PRKN: variants seen among roughly 807,000 people sequenced by gnomAD.
PRKN encodes the protein E3 ubiquitin-protein ligase parkin.
In PRKN, 56 loss-of-function variants were observed where a neutral mutation model predicts 59.5. That is an observed-to-expected ratio of 0.94 (90% CI 0.76 to 1.18). PRKN has a LOEUF of 1.18. Ranked by LOEUF, PRKN falls within the 50% of genes most tolerant of loss-of-function variation. PRKN has a pLI of 0.00. For missense variants in PRKN, 657 were observed against 596.4 expected, an observed-to-expected ratio of 1.10 and a Z score of -1.06; for synonymous variants, 250 against 222.1, an observed-to-expected ratio of 1.13 and a Z score of -1.12.
chr6:162,001,792 T>C (rs892510289), intron 5 of PRKN, among the ~76,000 whole-genome samples: 1 of 151,776 alleles, frequency 6.6e-6, no homozygotes, highest in African/African-American at 2.4e-5. Context: ...AGGTTTTTTG[T>C]AGATATTCCT....
intron 2 of PRKN, among the ~76,000 whole-genome samples, chr6:162,321,653 G>A (rs531635898): frequency 2.0e-5 from 3 of 151,998 alleles, no homozygotes; most frequent in South Asian, 2.1e-4. Flanking sequence ...GTCAAATAAC[G>A]ATACATTGTG....
At chr6:161,756,801 G>A (rs187802098) in intron 7 of PRKN, among the ~76,000 whole-genome samples, 2 of 152,166 alleles carry the variant, frequency 1.3e-5, no homozygotes, top group Non-Finnish European at 2.9e-5. Context: ...TGAAAAGGAA[G>A]AACAAAGTTA....
intron 7 of PRKN, among the ~76,000 whole-genome samples, chr6:161,602,073 C>G (rs1202077497): frequency 1.3e-5 from 2 of 150,678 alleles, no homozygotes; most frequent in African/African-American, 5.0e-5. Flanking sequence ...ATCTAATAAC[C>G]ATATTTTTAT....
In PRKN at chr6:162,316,130, G is replaced by C. The variant is rs561291410; in HGVS notation, c.172-53365C>G. Reference sequence around the variant, plus strand: ...CAGTTCTGCAAAAGGGATAGGAGCTGGGGAAATCAAGAGGAGCAGTGGCCA... The same window carrying C: ...CAGTTCTGCAAAAGGGATAGGAGCTCGGGAAATCAAGAGGAGCAGTGGCCA... On this transcript the variant is annotated intron_variant, in intron 2 of 11. Coordinates refer to ENST00000366898, the MANE Select transcript of PRKN (RefSeq NM_004562.3). Among the ~76,000 whole-genome samples, 3 of 152,062 alleles carry C rather than the reference G, an allele frequency of 2.0e-5. No individual in the cohort carries two copies. The South Asian group carries it at 6.2e-4, about 32-fold the overall frequency.
Position 162,672,917 on chromosome 6 carries a change from A to G in PRKN, c.7+54745T>C, listed in dbSNP as rs185159952. ...TATGTCAAGGTAACACAGTAACTACACTTATAAGAATATATCTTACAGAAA... is the reference window on the plus strand; with the variant it reads ...TATGTCAAGGTAACACAGTAACTACGCTTATAAGAATATATCTTACAGAAA... On this transcript the variant is annotated intron_variant, in intron 1 of 11. Coordinates refer to ENST00000366898, the MANE Select transcript of PRKN (RefSeq NM_004562.3). 6.2e-3 allele frequency among the ~76,000 whole-genome samples: 937 copies of G among 152,340 alleles called. 8 individuals carry two copies. The highest frequency in any genetic ancestry group is 9.8e-3 in the Non-Finnish European group (666 of 68,030).
intron 5 of PRKN, among the ~76,000 whole-genome samples, chr6:161,986,678 G>A (rs1033432280): frequency 2.0e-5 from 3 of 151,976 alleles, no homozygotes; most frequent in Non-Finnish European, 4.4e-5. Flanking sequence ...TGCGACGAGA[G>A]CTTCTGTCAC....
At chr6:162,139,393 C>A (rs1375336080) in intron 4 of PRKN, among the ~76,000 whole-genome samples, 1 of 152,024 alleles carries the variant, frequency 6.6e-6, no homozygotes, top group African/African-American at 2.4e-5. Flanking sequence ...TGGAAATATA[C>A]AAAGAATGGA....
chr6:162,232,518 A>G, intron 3 of PRKN, among the ~76,000 whole-genome samples: 1 of 152,192 alleles, frequency 6.6e-6, no homozygotes, highest in East Asian at 1.9e-4. Flanking sequence ...GTGGTGGATT[A>G]ATTGCTTTTC....
At chr6:162,695,750 T>C (rs1777943125) in intron 1 of PRKN, among the ~76,000 whole-genome samples, 1 of 152,132 alleles carries the variant, frequency 6.6e-6, no homozygotes. Flanking sequence ...TGAGCAAAAA[T>C]AATTGGGCCT....
intron 1 of PRKN, among the ~76,000 whole-genome samples, chr6:162,707,729 C>T (rs1033933218): frequency 2.0e-5 from 3 of 152,150 alleles, no homozygotes; most frequent in Admixed American, 6.5e-5. Context: ...TGCAAGCCAC[C>T]ACGCCTGGCT....
At chr6:161,563,428 T>C (rs542703134) in intron 8 of PRKN, among the ~76,000 whole-genome samples, 2 of 152,244 alleles carry the variant, frequency 1.3e-5, no homozygotes, top group South Asian at 2.1e-4. Flanking sequence ...TACAAACCTA[T>C]TGACTCCAGA....
At chr6:162,313,529 C>G (rs924655147) in intron 2 of PRKN, among the ~76,000 whole-genome samples, 1 of 151,788 alleles carries the variant, frequency 6.6e-6, no homozygotes, top group Non-Finnish European at 1.5e-5. Context: ...CTCTTGTTCC[C>G]CAGGCTGGAA....
intron 1 of PRKN, among the ~76,000 whole-genome samples, chr6:162,519,014 A>G (rs1372216396): frequency 1.3e-5 from 2 of 152,100 alleles, no homozygotes; most frequent in Non-Finnish European, 2.9e-5. Flanking sequence ...TTAGGAAAAT[A>G]TAAAAATTAA....
At chr6:162,668,568 G>A (rs1404840576) in intron 1 of PRKN, among the ~76,000 whole-genome samples, 2 of 152,118 alleles carry the variant, frequency 1.3e-5, no homozygotes, top group East Asian at 3.9e-4. Flanking sequence ...GGAGAGGGGA[G>A]GGAGCACCAT....
intron 2 of PRKN, among the ~76,000 whole-genome samples, chr6:162,433,012 CAGTT>C (rs1293315331): frequency 3.3e-5 from 5 of 152,162 alleles, no homozygotes; most frequent in African/African-American, 1.2e-4. Context: ...ATTCTGTTCT[CAGTT>C]AGTTCAAGTG....
intron 6 of PRKN, among the ~76,000 whole-genome samples, chr6:161,916,399 A>G (rs533310908): frequency 1.3e-5 from 2 of 152,366 alleles, no homozygotes; most frequent in South Asian, 4.1e-4. Flanking sequence ...GGTGAATATC[A>G]TAGGCCAAAT....
chr6:162,490,800 C>G (rs1375066594), intron 1 of PRKN, among the ~76,000 whole-genome samples: 1 of 152,160 alleles, frequency 6.6e-6, no homozygotes, highest in Admixed American at 6.5e-5. Context: ...AGAGCAGCAT[C>G]CAGACCTCAG....
At chr6:162,030,639 T>C (rs1002554508) in intron 5 of PRKN, among the ~76,000 whole-genome samples, 2 of 152,160 alleles carry the variant, frequency 1.3e-5, no homozygotes, top group African/African-American at 4.8e-5. Flanking sequence ...GTCTCAGAAT[T>C]TGGGCAGAGG....
intron 7 of PRKN, among the ~76,000 whole-genome samples, chr6:161,696,068 C>T (rs921393365): frequency 2.6e-5 from 4 of 152,102 alleles, no homozygotes; most frequent in Non-Finnish European, 4.4e-5. Flanking sequence ...CTTAGAAGAG[C>T]GATGAAGCTA....
Sources: allele counts gnomAD v4.1 joint callset (sites outside exome capture counted in the v4.1 genomes callset), GRCh38; gene constraint gnomAD v4.1.1; transcripts MANE v1.5; gene names NCBI Gene and HGNC (gene_info 2026-07-23, HGNC 2026-07-21).